LHFPL2: variants seen among roughly 807,000 people sequenced by gnomAD.
LHFPL2 encodes the protein LHFPL tetraspan subfamily member 2.
A neutral mutation model predicts 17.5 loss-of-function variants in LHFPL2; 7 were observed. That is an observed-to-expected ratio of 0.40 (90% confidence interval 0.23 to 0.75). The LOEUF (loss-of-function observed/expected upper bound fraction) is 0.75, where lower values mean the gene tolerates loss of function less well. LHFPL2 is among the 30% of genes least tolerant of loss of function. The pLI is 0.37. For synonymous variants in LHFPL2, 134 were observed against 116.2 expected (o/e 1.15, Z -0.99); for missense variants, 241 against 294.8 (o/e 0.82, Z 1.34).
intron 2 of LHFPL2, among the ~76,000 whole-genome samples, chr5:78,575,376 G>A (rs1458545746): frequency 1.3e-5 from 2 of 151,902 alleles, no homozygotes; most frequent in East Asian, 1.9e-4. Context: ...GTGAAACCCC[G>A]TCTCTACTAA....
chr5:78,550,564 T>TTATTTTTA (rs138416957), intron 3 of LHFPL2, among the ~76,000 whole-genome samples: 5 of 150,660 alleles, frequency 3.3e-5, no homozygotes, highest in Non-Finnish European at 7.4e-5. Flanking sequence ...TTTTATTTAT[T>TTATTTTTA]TTTATTTATT....
At chr5:78,512,711 T>C (rs1409369218) in intron 3 of LHFPL2, among the ~76,000 whole-genome samples, 2 of 151,826 alleles carry the variant, frequency 1.3e-5, no homozygotes, top group African/African-American at 4.8e-5. Context: ...ACCATTTTAC[T>C]GTTATGCACA....
intron 1 of LHFPL2, among the ~76,000 whole-genome samples, 163 bp from the exon 2 acceptor site, chr5:78,632,531 T>G (rs1247531072): frequency 6.6e-6 from 1 of 152,138 alleles, no homozygotes; most frequent in Non-Finnish European, 1.5e-5. Flanking sequence ...CAGACCTAGG[T>G]GACAATGCTA....
intron 2 of LHFPL2, among the ~76,000 whole-genome samples, chr5:78,618,803 T>C (rs959087932): frequency 6.6e-6 from 1 of 152,166 alleles, no homozygotes; most frequent in South Asian, 2.1e-4. Context: ...AAAGGTAACA[T>C]GCACTGAGAC....
intron 4 of LHFPL2, among the ~76,000 whole-genome samples, chr5:78,501,519 A>C (rs1754773050): frequency 6.6e-6 from 1 of 152,224 alleles, no homozygotes; most frequent in Admixed American, 6.5e-5. Flanking sequence ...GCAAGTATCA[A>C]GATACATGGT....
intron 4 of LHFPL2, among the ~76,000 whole-genome samples, chr5:78,504,600 G>A (rs1210242322): frequency 1.3e-5 from 2 of 152,154 alleles, no homozygotes; most frequent in African/African-American, 2.4e-5. Flanking sequence ...ATACTTCCAT[G>A]CATCAGATTT....
At chr5:78,535,123 C>T (rs995230609) in intron 3 of LHFPL2, among the ~76,000 whole-genome samples, 1 of 152,220 alleles carries the variant, frequency 6.6e-6, no homozygotes, top group East Asian at 1.9e-4. Context: ...CTGAATCCCA[C>T]AAGAGGAAAT....
intron 2 of LHFPL2, among the ~76,000 whole-genome samples, chr5:78,620,586 T>C (rs1744816450): frequency 6.6e-6 from 1 of 152,098 alleles, no homozygotes; most frequent in Admixed American, 6.5e-5. Flanking sequence ...AGAGCACATT[T>C]ATTTGGTAAG....
rs181093245 is a variant in LHFPL2, at chr5:78,556,837, T to C, written c.-186+7976A>G. ...GGGATACTCTTAGGAACTTGGACAGTAGATTACCAGTGGTGACCCCTAAGG... is the reference window on the plus strand; with the variant it reads ...GGGATACTCTTAGGAACTTGGACAGCAGATTACCAGTGGTGACCCCTAAGG... On this transcript the variant is annotated intron_variant, in intron 3 of 4. Transcript: ENST00000380345. Among the ~76,000 whole-genome samples the C allele has an allele frequency of 6.2e-3, 943 of 152,354 alleles. 5 individuals are homozygous for C. The highest frequency in any genetic ancestry group is 0.023 in the South Asian group (110 of 4,830).
intron 4 of LHFPL2, among the ~76,000 whole-genome samples, chr5:78,491,980 A>G (rs779479335): frequency 6.6e-6 from 1 of 152,272 alleles, no homozygotes; most frequent in African/African-American, 2.4e-5. Flanking sequence ...AAATGATTTA[A>G]CCAATTCTTA....
chr5:78,552,275 A>G (rs1268797172), intron 3 of LHFPL2, among the ~76,000 whole-genome samples: 1 of 152,068 alleles, frequency 6.6e-6, no homozygotes, highest in African/African-American at 2.4e-5. Context: ...CTGGGACTAC[A>G]GGTGCCCACC....
chr5:78,511,662 T>G, intron 3 of LHFPL2, among the ~76,000 whole-genome samples: 1 of 152,180 alleles, frequency 6.6e-6, no homozygotes, highest in East Asian at 1.9e-4. Flanking sequence ...GGAAGCCCAG[T>G]GTCAAAGCTT....
Position 78,648,044 on chromosome 5 carries a change from C to T in LHFPL2, c.-350+455G>A, listed in dbSNP as rs1398947865. Among the ~76,000 whole-genome samples, 2 of 152,136 alleles carry T rather than the reference C, an allele frequency of 1.3e-5. No homozygotes were observed. Among genetic ancestry groups the T allele is most frequent in the Non-Finnish European group, 2.9e-5 (2 of 68,010 alleles). Reference sequence around the variant, plus strand: ...TGACGTCTGTGGCCAGAGTGACCCACACGCCACGGACCAGGGACAGCAGGG... The same window carrying T: ...TGACGTCTGTGGCCAGAGTGACCCATACGCCACGGACCAGGGACAGCAGGG... On this transcript the variant is annotated intron_variant, in intron 1 of 4. Coordinates refer to ENST00000380345, the MANE Select transcript of LHFPL2 (RefSeq NM_005779.3). The surrounding 1 kb of genome is among the most constrained non-coding windows in gnomAD (Gnocchi z 5.4).
At chr5:78,559,573 ATCC>A (rs1223018841) in intron 3 of LHFPL2, among the ~76,000 whole-genome samples, 1 of 152,144 alleles carries the variant, frequency 6.6e-6, no homozygotes, top group Non-Finnish European at 1.5e-5. Context: ...AAAGAACTAC[ATCC>A]ATTTTGTCTT....
chr5:78,553,230 C>A (rs893973633), intron 3 of LHFPL2, among the ~76,000 whole-genome samples: 5 of 152,196 alleles, frequency 3.3e-5, no homozygotes, highest in Non-Finnish European at 7.3e-5. Context: ...CATCTCCTTG[C>A]CTTTGCCCAC....
intron 1 of LHFPL2, among the ~76,000 whole-genome samples, chr5:78,639,769 A>G (rs1745603798): frequency 6.6e-6 from 1 of 152,246 alleles, no homozygotes; most frequent in Admixed American, 6.5e-5. Context: ...TGTAATTCCC[A>G]GACTATCCAG....
chr5:78,520,091 CTG>C (rs1272679121), intron 3 of LHFPL2, among the ~76,000 whole-genome samples: 1 of 152,184 alleles, frequency 6.6e-6, no homozygotes, highest in African/African-American at 2.4e-5. Flanking sequence ...AACACAAAAA[CTG>C]TGCACGGAGA....
intron 2 of LHFPL2, among the ~76,000 whole-genome samples, chr5:78,587,648 C>G (rs1299259916): frequency 6.6e-6 from 1 of 152,246 alleles, no homozygotes; most frequent in Non-Finnish European, 1.5e-5. Flanking sequence ...GCATCTGTAA[C>G]TGGATCCCCA....
chr5:78,563,891 CAGT>C (rs1756794887), intron 3 of LHFPL2, among the ~76,000 whole-genome samples: 2 of 152,272 alleles, frequency 1.3e-5, no homozygotes, highest in Admixed American at 6.5e-5. Context: ...CTAACCTAAG[CAGT>C]AGAAGTTGTT....
Sources: gnomAD v4.1 joint callset for allele counts (sites outside exome capture counted in the v4.1 genomes callset) on GRCh38, gnomAD v4.1.1 for gene constraint, Gnocchi (gnomAD v3.1) non-coding constraint, MANE v1.5 for transcripts, NCBI Gene and HGNC (gene_info 2026-07-23, HGNC 2026-07-21) for gene names.